The following ATP6V0A4 variants were observed in gnomAD, a reference collection of about 807,000 sequenced individuals.
The protein encoded by ATP6V0A4 is ATPase H+ transporting V0 subunit a4, also known as V-type proton ATPase 116 kDa subunit a 4.
In ATP6V0A4, 86 loss-of-function variants were observed where a neutral mutation model predicts 107.3. The observed-to-expected ratio is 0.80, with a 90% CI of 0.67 to 0.96. The LOEUF (loss-of-function observed/expected upper bound fraction) is 0.96. ATP6V0A4 is among the 40% of genes least tolerant of loss of function. The pLI, the probability that ATP6V0A4 is intolerant of heterozygous loss-of-function variation, is 0.00. For synonymous variants in ATP6V0A4, 353 were observed against 381.4 expected, an observed-to-expected ratio of 0.93 and a Z score of 0.87; for missense variants, 908 against 1,045.6, an observed-to-expected ratio of 0.87 and a Z score of 1.81.
chr7:138,761,411 G>C (rs1255611078), intron 7 of ATP6V0A4, among the ~76,000 whole-genome samples: 5 of 151,946 alleles, frequency 3.3e-5, no homozygotes, highest in Admixed American at 6.6e-5. Flanking sequence ...AAGGCAGGCG[G>C]ATCACGAGGT....
intron 2 of ATP6V0A4, among the ~76,000 whole-genome samples, chr7:138,778,824 G>A (rs955768117): frequency 2.0e-5 from 3 of 151,936 alleles, no homozygotes; most frequent in East Asian, 1.9e-4. Context: ...TGCCCCTGTT[G>A]GGGGTGTCAG....
rs763982675 is a variant in ATP6V0A4 at position 138,747,514 on chromosome 7, C to A, written c.1231G>T (p.Asp411Tyr). 35 of 1,614,000 alleles carry A rather than the reference C, an allele frequency of 2.2e-5. No individual in the cohort carries two copies. In the Admixed American group the frequency reaches 3.7e-4, roughly 17 times the overall value. ...AGCATCACGGTTCCATGACCACAGT[C>A]TCCAAACATCACAGCGAACAGGAAG... ...FPFLFAVMFGDCGHGTVMLLA... is the reference protein window; with the variant it reads ...FPFLFAVMFGYCGHGTVMLLA... Residue 411 changes from aspartate to tyrosine, a missense_variant, in exon 13 of 22, where the codon GAC becomes TAC. Coordinates refer to ENST00000310018, the MANE Select transcript of ATP6V0A4 (RefSeq NM_020632.3).
In ATP6V0A4 at chr7:138,747,502, C is replaced by A. The variant is rs757345455; in HGVS notation, c.1243G>T (p.Gly415Ter). 3 of 1,614,124 alleles carry A rather than the reference C, an allele frequency of 1.9e-6. No homozygotes were observed. The highest frequency in any genetic ancestry group is 1.7e-6 in the Non-Finnish European group (2 of 1,180,022). ...AGTGCAGCCAGGAGCATCACGGTTCCATGACCACAGTCTCCAAACATCACA... is the reference window on the plus strand; with the variant it reads ...AGTGCAGCCAGGAGCATCACGGTTCAATGACCACAGTCTCCAAACATCACA... ...FAVMFGDCGHGTVMLLAALWM... is the reference protein window; with the variant it reads ...FAVMFGDCGH The change falls in exon 13 of 22, where the codon GGA (glycine) becomes TGA (stop). Residue 415 changes from glycine (G) to a stop codon, truncating the protein, a stop_gained. Transcript: ENST00000310018. LOFTEE classifies it high-confidence loss of function.
rs765826168 is a variant in ATP6V0A4, at chr7:138,728,755, C to T, written c.2010+6G>A. 1.9e-6 allele frequency: 3 copies of T among 1,614,138 alleles called. No homozygotes were observed. In the Admixed American group the frequency reaches 5.0e-5, roughly 27 times the overall value. On this transcript the variant is annotated splice_donor_region_variant and intron_variant, in intron 18 of 21. Transcript: ENST00000310018. ...AGTAGGGTGAACTGAAACAAACAGC[C>T]CTTACCTGGGATTTCCGATGACTGG...
At chr7:138,737,590 T>C (rs953640907) in intron 15 of ATP6V0A4, among the ~76,000 whole-genome samples, 10 of 148,918 alleles carry the variant, frequency 6.7e-5, no homozygotes, top group African/African-American at 9.8e-5. Flanking sequence ...TTTTTTTTTT[T>C]TTTTTTTTTT....
intron 17 of ATP6V0A4, among the ~76,000 whole-genome samples, chr7:138,732,236 G>A (rs930884347): frequency 1.3e-5 from 2 of 152,126 alleles, no homozygotes; most frequent in Admixed American, 6.6e-5. Context: ...GTGCCATATA[G>A]AACATTCTAC....
At position 138,722,027 on chromosome 7, in the gene ATP6V0A4, T is replaced by A. The variant is rs1209458962; in HGVS notation, c.2011-2A>T. The stretch of plus-strand genomic sequence containing the variant: ...TTCTTGGATCCTGGATGCCTGCAGC[T>A]GACAACAAGCAGGGAAATGAGGAAT... On this transcript the variant is annotated splice_acceptor_variant, in intron 18 of 21. Coordinates refer to ENST00000310018, the MANE Select transcript of ATP6V0A4 (RefSeq NM_020632.3). LOFTEE classifies it high-confidence loss of function. 6.2e-7 allele frequency: 1 copy of A among 1,614,068 alleles called. No individual in the cohort carries two copies. Among genetic ancestry groups the A allele is most frequent in the Admixed American group, 1.7e-5 (1 of 59,986 alleles).
intron 3 of ATP6V0A4, 177 bp from the exon 4 acceptor site, chr7:138,769,428 C>T (rs750732223): frequency 3.6e-5 from 22 of 610,978 alleles, no homozygotes; most frequent in Non-Finnish European, 4.3e-5. Context: ...GATTCTTCTG[C>T]CTCAGCCTCC....
At chr7:138,710,828 C>T (rs527460170) in intron 20 of ATP6V0A4, among the ~76,000 whole-genome samples, 1 of 152,026 alleles carries the variant, frequency 6.6e-6, no homozygotes, top group Admixed American at 6.6e-5. Flanking sequence ...CACAGAGACG[C>T]CCAACAACAT....
At chr7:138,771,319 C>T in intron 2 of ATP6V0A4, 55 bp from the exon 3 acceptor site, 21 of 1,576,226 alleles carry the variant, frequency 1.3e-5, no homozygotes, top group Non-Finnish European at 1.7e-5. Context: ...TGTGTGAAAA[C>T]CTTAGGGTGA....
intron 13 of ATP6V0A4, among the ~76,000 whole-genome samples, chr7:138,746,240 T>C (rs904247370): frequency 4.6e-5 from 7 of 151,376 alleles, no homozygotes; most frequent in Non-Finnish European, 8.8e-5. Context: ...ATACTCATTT[T>C]GCGTCTTGTC....
At chr7:138,736,581 T>C (rs913733084) in intron 15 of ATP6V0A4, among the ~76,000 whole-genome samples, 1 of 152,116 alleles carries the variant, frequency 6.6e-6, no homozygotes, top group Non-Finnish European at 1.5e-5. Context: ...TTTTTATTTT[T>C]ATTTTTTTGA....
At chr7:138,772,970 G>A (rs1807470031) in intron 2 of ATP6V0A4, among the ~76,000 whole-genome samples, 2 of 152,272 alleles carry the variant, frequency 1.3e-5, no homozygotes, top group Admixed American at 1.3e-4. Flanking sequence ...GCCAAGGGGA[G>A]GAGGAGGGCA....
At chr7:138,750,688 C>T (rs879361360) in intron 11 of ATP6V0A4, among the ~76,000 whole-genome samples, 6 of 152,248 alleles carry the variant, frequency 3.9e-5, no homozygotes, top group Non-Finnish European at 7.3e-5. Context: ...TCACCTGCTC[C>T]CCGGCCAGCC....
At chr7:138,765,302 T>A (rs188388283) in intron 5 of ATP6V0A4, among the ~76,000 whole-genome samples, 11 of 152,260 alleles carry the variant, frequency 7.2e-5, no homozygotes, top group African/African-American at 2.4e-4. Flanking sequence ...TTTTGAACAC[T>A]GAATATAATG....
rs745612469 is a variant in ATP6V0A4 at position 138,718,201 on chromosome 7, G to GGTGTGTGTGTGTGT, written c.2140-2334_2140-2321dup. 5.3e-4 allele frequency among the ~76,000 whole-genome samples: 24 copies of GGTGTGTGTGTGTGT among 45,534 alleles called. 1 individual carries two copies. The highest frequency in any genetic ancestry group is 2.9e-3 in the African/African-American group (21 of 7,252). The allele number at this position is 45,534 out of a possible 152,430, so 29.9% of individuals were successfully genotyped here. A position where few individuals can be genotyped will look rare whatever the true frequency, so the allele number is the denominator to read the frequency against. On this transcript the variant is annotated intron_variant, in intron 19 of 21. Coordinates refer to ENST00000310018, the MANE Select transcript of ATP6V0A4 (RefSeq NM_020632.3). The stretch of plus-strand genomic sequence containing the variant: ...GGAGGGAGACGTCCAGGAAGGAATG[G>GGTGTGTGTGTGTGT]GTGTGTGTGTGTGTGTGTGTGTGTG...
At chr7:138,733,152 A>C (rs1025616201) in intron 16 of ATP6V0A4, 59 bp from the exon 17 acceptor site, 2 of 1,608,772 alleles carry the variant, frequency 1.2e-6, no homozygotes, top group Middle Eastern at 1.7e-4. Context: ...GTTAGGACTT[A>C]ATTATTCTCT....
At chr7:138,786,581 GA>G (rs35642413) in intron 1 of ATP6V0A4, among the ~76,000 whole-genome samples, 12,333 of 146,094 alleles carry the variant, frequency 0.084, 590 homozygotes, top group African/African-American at 0.13. Context: ...CTTGTCTCAG[GA>G]AAAAAAAAAA....
intron 14 of ATP6V0A4, among the ~76,000 whole-genome samples, chr7:138,744,489 C>T (rs549253293): frequency 5.9e-5 from 9 of 151,848 alleles, no homozygotes; most frequent in Non-Finnish European, 8.8e-5. Flanking sequence ...CCTCCCGCCT[C>T]GGCCTCCCAA....
Sources: allele counts gnomAD v4.1 joint callset (sites outside exome capture counted in the v4.1 genomes callset), GRCh38; gene constraint gnomAD v4.1.1; transcripts MANE v1.5; gene names NCBI Gene and HGNC (gene_info 2026-07-23, HGNC 2026-07-21).